The following ATP10B variants were observed in gnomAD, a reference collection of about 807,000 sequenced individuals.
ATP10B encodes the protein phospholipid-transporting ATPase VB.
Under a neutral mutation model 141.2 loss-of-function variants are expected in ATP10B, and 122 were observed. The observed-to-expected ratio is 0.86, with a 90% confidence interval of 0.75 to 1.00. The LOEUF (loss-of-function observed/expected upper bound fraction) is 1.00, where lower values mean the gene tolerates loss of function less well. ATP10B is among the 50% of genes least tolerant of loss of function. The probability of loss-of-function intolerance (pLI) is 0.00; values close to 1 mark genes in which losing one functional copy is unlikely to be tolerated. For synonymous variants in ATP10B, 685 were observed against 692.0 expected, an observed-to-expected ratio of 0.99 and a Z score of 0.16; for missense variants, 1,876 against 1,825.3, an observed-to-expected ratio of 1.03 and a Z score of -0.51.
chr5:160,854,667 T>C (rs973157025), upstream of ATP10B, among the ~76,000 whole-genome samples: 4 of 152,166 alleles, frequency 2.6e-5, no homozygotes, highest in Non-Finnish European at 5.9e-5. Flanking sequence ...GAATGACTTA[T>C]AGGGTATATA....
chr5:160,775,128 C>CGTG (rs1021388014), intron 2 of ATP10B, among the ~76,000 whole-genome samples: 2 of 152,168 alleles, frequency 1.3e-5, no homozygotes, highest in Non-Finnish European at 2.9e-5. Flanking sequence ...AGTCACTAGC[C>CGTG]GTGGCCGTGT....
intron 2 of ATP10B, among the ~76,000 whole-genome samples, chr5:160,763,220 G>C (rs1769171870): frequency 6.6e-6 from 1 of 152,040 alleles, no homozygotes; most frequent in African/African-American, 2.4e-5. Context: ...GGACTTAACA[G>C]ATATTTAAGA....
the ATP10B span, among the ~76,000 whole-genome samples, chr5:160,913,398 G>A: frequency 6.6e-6 from 1 of 152,166 alleles, no homozygotes; most frequent in Admixed American, 6.5e-5. Context: ...GTTGGATCAT[G>A]GAGGCCACAC....
the ATP10B span, among the ~76,000 whole-genome samples, chr5:160,928,472 C>T: frequency 6.6e-6 from 1 of 152,154 alleles, no homozygotes; most frequent in Non-Finnish European, 1.5e-5. Context: ...AACTGGAAGA[C>T]TCTTGGTCAA....
intron 2 of ATP10B, among the ~76,000 whole-genome samples, chr5:160,724,893 A>C (rs1384198274): frequency 1.3e-5 from 2 of 152,140 alleles, no homozygotes; most frequent in African/African-American, 4.8e-5. Context: ...AGCATTTATC[A>C]TCTGATGTAA....
intron 8 of ATP10B, among the ~76,000 whole-genome samples, chr5:160,646,916 G>A (rs1760318505): frequency 6.6e-6 from 1 of 152,188 alleles, no homozygotes; most frequent in Admixed American, 6.5e-5. Context: ...ACAATTCTCT[G>A]CTGGGGTGGG....
At chr5:160,868,519 G>GAT in the ATP10B span, among the ~76,000 whole-genome samples, 22 of 75,240 alleles carry the variant, frequency 2.9e-4, no homozygotes, top group Admixed American at 9.0e-4. Flanking sequence ...CATATGAACA[G>GAT]ATACACACAC....
intron 2 of ATP10B, among the ~76,000 whole-genome samples, chr5:160,746,805 T>C (rs571943319): frequency 6.6e-6 from 1 of 152,140 alleles, no homozygotes; most frequent in East Asian, 1.9e-4. Flanking sequence ...CCATACTCTA[T>C]TGGATGATTA....
intron 3 of ATP10B, among the ~76,000 whole-genome samples, chr5:160,699,118 A>G (rs1764536271): frequency 6.6e-6 from 1 of 152,144 alleles, no homozygotes; most frequent in South Asian, 2.1e-4. Context: ...TCTTCCCTTT[A>G]TTCTAAGCCT....
Position 160,620,808 on chromosome 5 carries a change from C to T in ATP10B, c.1955G>A (p.Gly652Glu). Residue 652 changes from glycine to glutamate, a missense_variant, in exon 15 of 26, where the codon GGG (glycine) becomes GAG (glutamate). Coordinates refer to ENST00000327245, the MANE Select transcript of ATP10B (RefSeq NM_025153.3). ...CGAGTCTGTGGTGGCCACGTTGGCC[C>T]CTAAGCTCTCCCCGAGGTCTGTGTC... ...PSDTDLGESL[G>E]ANVATTDSDE... The T allele has an allele frequency of 6.2e-7, 1 of 1,614,166 alleles. No individual in the cohort carries two copies. The highest frequency in any genetic ancestry group is 8.5e-7 in the Non-Finnish European group (1 of 1,180,036).
intron 1 of ATP10B, among the ~76,000 whole-genome samples, chr5:160,819,950 A>G (rs969103448): frequency 3.3e-5 from 5 of 152,150 alleles, no homozygotes; most frequent in African/African-American, 1.2e-4. Flanking sequence ...CAATCTAACA[A>G]TATATCTTAA....
the ATP10B span, among the ~76,000 whole-genome samples, chr5:160,882,550 G>C: frequency 3.3e-5 from 5 of 152,034 alleles, no homozygotes; most frequent in Non-Finnish European, 5.9e-5. Flanking sequence ...CCAAATTGCT[G>C]AGATAATAAG....
the ATP10B span, among the ~76,000 whole-genome samples, chr5:160,909,732 T>A: frequency 6.6e-6 from 1 of 152,312 alleles, no homozygotes; most frequent in East Asian, 1.9e-4. Flanking sequence ...ATAAAGCAGC[T>A]AAGTGACGAT....
chr5:160,601,909 G>A (rs1335087232), intron 21 of ATP10B, among the ~76,000 whole-genome samples: 1 of 152,182 alleles, frequency 6.6e-6, no homozygotes, highest in Non-Finnish European at 1.5e-5. Flanking sequence ...CAAGTCCCAA[G>A]TTGAAGCCAT....
At chr5:160,900,643 A>G in the ATP10B span, among the ~76,000 whole-genome samples, 5 of 152,232 alleles carry the variant, frequency 3.3e-5, no homozygotes, top group African/African-American at 1.2e-4. Context: ...AGTGCATTAA[A>G]TGGCATAGAA....
intron 6 of ATP10B, among the ~76,000 whole-genome samples, chr5:160,679,728 TAGA>T (rs1763261481): frequency 6.6e-6 from 1 of 152,218 alleles, no homozygotes. Context: ...ATTTGCTGAA[TAGA>T]TGAATAAGTG....
At chr5:160,818,468 T>G (rs549275718) in intron 1 of ATP10B, among the ~76,000 whole-genome samples, 13 of 152,148 alleles carry the variant, frequency 8.5e-5, no homozygotes, top group Non-Finnish European at 1.9e-4. Flanking sequence ...TCACACCAGT[T>G]AGAATGGCGA....
At chr5:160,607,224 A>G (rs191824058) in intron 18 of ATP10B, 138 bp from the exon 19 acceptor site, 18 of 771,902 alleles carry the variant, frequency 2.3e-5, no homozygotes, top group Middle Eastern at 3.1e-4. Context: ...TCCAATTTTT[A>G]TATTTCTCTG....
chr5:160,579,361 G>C (rs1457472377), intron 24 of ATP10B, among the ~76,000 whole-genome samples: 1 of 152,100 alleles, frequency 6.6e-6, no homozygotes, highest in Admixed American at 6.6e-5. Context: ...TGTAAGGAAG[G>C]GGTCCAGTTT....
Sources: allele counts gnomAD v4.1 joint callset (sites outside exome capture counted in the v4.1 genomes callset), GRCh38; gene constraint gnomAD v4.1.1; transcripts MANE v1.5; gene names NCBI Gene and HGNC (gene_info 2026-07-23, HGNC 2026-07-21).